OPCML: variants seen among roughly 807,000 people sequenced by gnomAD.
OPCML encodes the protein opioid binding protein/cell adhesion molecule like, also known as opioid-binding protein/cell adhesion molecule.
In OPCML, 13 loss-of-function variants were observed where a neutral mutation model predicts 37.8. The observed-to-expected ratio is 0.34, with a 90% CI of 0.22 to 0.55. The LOEUF (loss-of-function observed/expected upper bound fraction) is 0.55. Ranked by LOEUF, OPCML falls within the 20% of genes least tolerant of loss-of-function variation. The probability of loss-of-function intolerance (pLI) is 0.91; values close to 1 mark genes in which losing one functional copy is unlikely to be tolerated. For synonymous variants in OPCML, 176 were observed against 168.8 expected, an observed-to-expected ratio of 1.04 and a Z score of -0.33; for missense variants, 341 against 435.6, an observed-to-expected ratio of 0.78 and a Z score of 1.93.
At chr11:133,438,753 A>G (rs1325575404) in intron 1 of OPCML, among the ~76,000 whole-genome samples, 1 of 152,130 alleles carries the variant, frequency 6.6e-6, no homozygotes, top group African/African-American at 2.4e-5. Flanking sequence ...TTTAAGCCCC[A>G]TCCCTGACCT....
chr11:133,196,757 G>T (rs1033159506), intron 1 of OPCML, among the ~76,000 whole-genome samples: 2 of 152,196 alleles, frequency 1.3e-5, no homozygotes, highest in Non-Finnish European at 2.9e-5. Flanking sequence ...GAGCCAAGAT[G>T]CATAGTCAAT....
chr11:132,725,370 G>A (rs1234170111), intron 2 of OPCML, among the ~76,000 whole-genome samples: 1 of 152,198 alleles, frequency 6.6e-6, no homozygotes, highest in Non-Finnish European at 1.5e-5. Flanking sequence ...AGGGTACCAA[G>A]TCCTTAGGAT....
At chr11:132,523,303 A>C (rs1195211345) in intron 4 of OPCML, among the ~76,000 whole-genome samples, 1 of 152,226 alleles carries the variant, frequency 6.6e-6, no homozygotes, top group Non-Finnish European at 1.5e-5. Context: ...TGCTAGTATT[A>C]GCTCTTTACT....
chr11:133,052,274 A>G (rs909810352), intron 1 of OPCML, among the ~76,000 whole-genome samples: 2 of 152,348 alleles, frequency 1.3e-5, no homozygotes, highest in East Asian at 1.9e-4. Flanking sequence ...TAAAATAACC[A>G]GCAACTAAAT....
At chr11:132,652,057 C>A (rs1466037463) in intron 3 of OPCML, among the ~76,000 whole-genome samples, 3 of 152,174 alleles carry the variant, frequency 2.0e-5, no homozygotes, top group African/African-American at 7.2e-5. Flanking sequence ...TCTCTGCATT[C>A]TTTCAGAGTG....
At chr11:132,647,321 T>C (rs1449368587) in intron 3 of OPCML, among the ~76,000 whole-genome samples, 1 of 152,026 alleles carries the variant, frequency 6.6e-6, no homozygotes. Flanking sequence ...AATTGGAAAA[T>C]AGAATCTGAT....
intron 3 of OPCML, among the ~76,000 whole-genome samples, chr11:132,574,514 T>C (rs1457531858): frequency 6.6e-6 from 1 of 151,950 alleles, no homozygotes; most frequent in Non-Finnish European, 1.5e-5. Flanking sequence ...ATTCTTCTTT[T>C]GACCTATTGT....
intron 1 of OPCML, among the ~76,000 whole-genome samples, chr11:133,493,518 A>G (rs985436849): frequency 1.2e-4 from 19 of 152,192 alleles, no homozygotes; most frequent in Admixed American, 2.0e-4. Flanking sequence ...ATTTCAAACC[A>G]ATAAGACACT....
intron 1 of OPCML, among the ~76,000 whole-genome samples, chr11:133,461,153 T>C (rs75194273): frequency 0.013 from 2,032 of 152,064 alleles, 57 homozygotes; most frequent in African/African-American, 0.046. Flanking sequence ...CTTCTTTTTT[T>C]AGGCTCAATA....
chr11:132,756,575 T>C (rs772128069), intron 2 of OPCML, among the ~76,000 whole-genome samples: 5 of 152,202 alleles, frequency 3.3e-5, no homozygotes, highest in African/African-American at 4.8e-5. Flanking sequence ...GTTTATTGTG[T>C]TTCATGCATA....
At chr11:133,204,868 GTATATATATATATA>G (rs57658806) in intron 1 of OPCML, among the ~76,000 whole-genome samples, 3,584 of 117,288 alleles carry the variant, frequency 0.031, 218 homozygotes, top group African/African-American at 0.098. Context: ...ATATATATGT[GTATATATATATATA>G]TATATATATA....
intron 2 of OPCML, among the ~76,000 whole-genome samples, chr11:132,746,859 G>A (rs1371402356): frequency 6.6e-6 from 1 of 152,130 alleles, no homozygotes; most frequent in Non-Finnish European, 1.5e-5. Flanking sequence ...AGTGGCTCAA[G>A]CCCTGTGGTA....
chr11:133,221,581 C>T (rs59254168), intron 1 of OPCML, among the ~76,000 whole-genome samples: 3 of 152,036 alleles, frequency 2.0e-5, no homozygotes, highest in South Asian at 4.1e-4. Flanking sequence ...ACAACTCCCA[C>T]GTCCAAGACC....
At chr11:133,457,786 G>A (rs1414479874) in intron 1 of OPCML, among the ~76,000 whole-genome samples, 1 of 152,026 alleles carries the variant, frequency 6.6e-6, no homozygotes, top group Non-Finnish European at 1.5e-5. Context: ...CAATAGACTT[G>A]TTCCAGAAGA....
chr11:132,949,292 A>G (rs1341581332), intron 1 of OPCML, among the ~76,000 whole-genome samples: 3 of 152,238 alleles, frequency 2.0e-5, no homozygotes, highest in East Asian at 3.8e-4. Context: ...TAATATTCCT[A>G]TGTATATGTG....
rs796935933 is a variant in OPCML, at chr11:132,426,447, CT to C, written c.917-6155del. On this transcript the variant is annotated intron_variant, in intron 7 of 7. Coordinates refer to ENST00000524381, the MANE Select transcript of OPCML (RefSeq NM_001012393.5). Reference sequence around the variant, plus strand: ...AAAGTCATCATGGTTTTTGCCATTACTTTTTTTTTAGAGACCGAGTCTCACT... The same window carrying C: ...AAAGTCATCATGGTTTTTGCCATTACTTTTTTTTAGAGACCGAGTCTCACT... Among the ~76,000 whole-genome samples the C allele has an allele frequency of 1.9e-4, 29 of 151,324 alleles. 1 individual carries two copies. The highest frequency in any genetic ancestry group is 6.3e-4 in the African/African-American group (26 of 41,276).
chr11:132,769,220 TTTTG>T (rs1946558045), intron 2 of OPCML, among the ~76,000 whole-genome samples: 1 of 151,578 alleles, frequency 6.6e-6, no homozygotes, highest in African/African-American at 2.4e-5. Flanking sequence ...TTTTGTATTT[TTTTG>T]TTTTTTGGTT....
intron 2 of OPCML, among the ~76,000 whole-genome samples, chr11:132,933,385 A>T (rs1028889596): frequency 6.6e-6 from 1 of 152,192 alleles, no homozygotes; most frequent in Non-Finnish European, 1.5e-5. Flanking sequence ...GGCTTCAATG[A>T]TATTGTGCAA....
At chr11:132,552,132 A>C (rs2096383116) in intron 3 of OPCML, among the ~76,000 whole-genome samples, 1 of 152,216 alleles carries the variant, frequency 6.6e-6, no homozygotes, top group African/African-American at 2.4e-5. Context: ...TTCTAACTTT[A>C]GTAGGTTTTT....
Sources: gnomAD v4.1 joint callset for allele counts (sites outside exome capture counted in the v4.1 genomes callset) on GRCh38, gnomAD v4.1.1 for gene constraint, MANE v1.5 for transcripts, NCBI Gene and HGNC (gene_info 2026-07-23, HGNC 2026-07-21) for gene names.